The following ABHD16A variants were observed in gnomAD, a reference collection of about 807,000 sequenced individuals.
ABHD16A encodes phosphatidylserine lipase ABHD16A.
In ABHD16A, 47 loss-of-function variants were observed where a neutral mutation model predicts 89.8. The ratio of observed to expected loss-of-function variants is 0.52; its 90% CI spans 0.41 to 0.67. The LOEUF is 0.67. ABHD16A is among the 30% of genes least tolerant of loss of function. ABHD16A has a pLI of 0.00. For synonymous variants in ABHD16A, 251 were observed against 280.4 expected (o/e 0.90, Z 1.05); for missense variants, 580 against 734.6 (o/e 0.79, Z 2.43).
chr6:31,689,628 T>C lies in ABHD16A; in HGVS notation c.1034A>G (p.Gln345Arg). 1 of 1,611,680 alleles carries C rather than the reference T, an allele frequency of 6.2e-7. No individual in the cohort carries two copies. Among genetic ancestry groups the C allele is most frequent in the Non-Finnish European group, 8.5e-7 (1 of 1,179,364 alleles). ...GGCGTAGATGATGATGTCCTGGGGCTGGAAGCCTAGGCGGTGGATGGCAAA... is the reference window on the plus strand; with the variant it reads ...GGCGTAGATGATGATGTCCTGGGGCCGGAAGCCTAGGCGGTGGATGGCAAA... ...VQFAIHRLGF[Q>R]PQDIIIYAWS... Residue 345 changes from glutamine to arginine, a missense_variant, in exon 12 of 20, where the codon CAG becomes CGG. Around this residue, in one of 2 missense-constraint regions of ABHD16A, gnomAD observed 415 missense variants for 568.8 expected, o/e 0.73. Coordinates refer to ENST00000395952, the MANE Select transcript of ABHD16A (RefSeq NM_021160.3).
Position 31,690,379 on chromosome 6 carries a change from A to C in ABHD16A, c.907+160T>G. ...GGGACACAGGCCAGGGGAGGGATGT[A>C]AGGTTATCAAAGCAAATGGCGAGTG... On this transcript the variant is annotated intron_variant, in intron 10 of 19. Transcript: ENST00000395952. This position sits in a 1 kb window ranked among gnomAD's most constrained non-coding sequence, Gnocchi z 4.1. The C allele has an allele frequency of 1.3e-6, 1 of 797,580 alleles. No individual in the cohort carries two copies. Among genetic ancestry groups the C allele is most frequent in the East Asian group, 2.6e-5 (1 of 38,836 alleles). The allele number at this position is 797,580 out of a possible 1,614,324, so 49.4% of individuals were successfully genotyped here.
intron 1 of ABHD16A, chr6:31,702,556 A>G: frequency 2.2e-6 from 3 of 1,385,900 alleles, no homozygotes; most frequent in Admixed American, 3.4e-5. Context: ...TTTGTAGGAG[A>G]CAGTAACACA....
Position 31,688,167 on chromosome 6 carries a change from GGTTTC to G in ABHD16A, c.1308-69_1308-65del. 6.2e-7 allele frequency: 1 copy of G among 1,605,738 alleles called. No individual in the cohort carries two copies. Among genetic ancestry groups the G allele is most frequent in the Non-Finnish European group, 8.5e-7 (1 of 1,173,774 alleles). On this transcript the variant is annotated intron_variant, in intron 15 of 19. Transcript: ENST00000395952. This position sits in a 1 kb window ranked among gnomAD's most constrained non-coding sequence, Gnocchi z 4.9. ...TTAGGAGGAAGGGTCTAGATACCCA[GGTTTC>G]TGGTGGGCAGAGGTAGAAGGGACAA...
Position 31,689,136 on chromosome 6 carries a change from G to A in ABHD16A, c.1082-17C>T, listed in dbSNP as rs542752606. 6.8e-6 allele frequency: 11 copies of A among 1,608,036 alleles called. No homozygotes were observed. In the African/African-American group the frequency reaches 1.1e-4, roughly 16 times the overall value. On this transcript the variant is annotated splice_polypyrimidine_tract_variant and intron_variant, in intron 12 of 19. Transcript: ENST00000395952. ...CCCACGTGGCTGGTACCAGGGCAGG[G>A]AAGAAGAGTAAGAACTGAGAAAGGC...
At chr6:31,689,804 AG>A in intron 11 of ABHD16A, 100 bp from the exon 12 acceptor site, 1 of 1,493,842 alleles carries the variant, frequency 6.7e-7, no homozygotes, top group Non-Finnish European at 9.0e-7. Context: ...TATGACAGGC[AG>A]AGAAGGTGTA....
intron 4 of ABHD16A, among the ~76,000 whole-genome samples, chr6:31,700,124 T>C (rs569759939): frequency 6.6e-6 from 1 of 151,286 alleles, no homozygotes; most frequent in Non-Finnish European, 1.5e-5. Flanking sequence ...GGCTATTGCA[T>C]GGAACTTTTT....
intron 12 of ABHD16A, 23 bp from the exon 13 acceptor site, chr6:31,689,142 G>T (rs751486344): frequency 1.2e-6 from 2 of 1,603,782 alleles, no homozygotes; most frequent in Non-Finnish European, 1.7e-6. Flanking sequence ...CAGGGAAGAA[G>T]AGTAAGAACT....
rs1401740644 is a variant in ABHD16A at position 31,690,512 on chromosome 6, G to A, written c.907+27C>T. 6.2e-7 allele frequency: 1 copy of A among 1,611,502 alleles called. No individual in the cohort carries two copies. Among genetic ancestry groups the A allele is most frequent in the Non-Finnish European group, 8.5e-7 (1 of 1,178,586 alleles). On this transcript the variant is annotated intron_variant, in intron 10 of 19. Coordinates refer to ENST00000395952, the MANE Select transcript of ABHD16A (RefSeq NM_021160.3). The surrounding 1 kb of genome is among the most constrained non-coding windows in gnomAD (Gnocchi z 4.1). ...GGGACATTCCCTTTCAAAGGGCGGA[G>A]ATAAGGAGGCTGAGTCACCGTCCTA...
chr6:31,699,201 T>C (rs1192478142), intron 4 of ABHD16A, among the ~76,000 whole-genome samples: 1 of 151,724 alleles, frequency 6.6e-6, no homozygotes, highest in Non-Finnish European at 1.5e-5. Flanking sequence ...GGTCAGGAGA[T>C]TGAGACCATC....
intron 5 of ABHD16A, among the ~76,000 whole-genome samples, chr6:31,694,300 TC>T (rs1804179392): frequency 6.6e-6 from 1 of 151,292 alleles, no homozygotes; most frequent in Non-Finnish European, 1.5e-5. Flanking sequence ...GAAGCGATCC[TC>T]CTGCCTTGGC....
chr6:31,688,512 C>A lies in ABHD16A; in HGVS notation c.1251-207G>T, dbSNP rs2151222221. 1.3e-6 allele frequency: 1 copy of A among 792,140 alleles called. No individual in the cohort carries two copies. The highest frequency in any genetic ancestry group is 1.8e-5 in the South Asian group (1 of 56,578). The allele number at this position is 792,140 out of a possible 1,614,324, so 49.1% of individuals were successfully genotyped here. On this transcript the variant is annotated intron_variant, in intron 14 of 19. Transcript: ENST00000395952. This position sits in a 1 kb window ranked among gnomAD's most constrained non-coding sequence, Gnocchi z 4.9. Reference sequence around the variant, plus strand: ...CTGGGAGACCCCTGCCGTGCCAGGCCTTAACCCTTTGGTTGCCAGATCCTG... The same window carrying A: ...CTGGGAGACCCCTGCCGTGCCAGGCATTAACCCTTTGGTTGCCAGATCCTG...
At chr6:31,702,847 C>G (rs1315564806) in intron 1 of ABHD16A, 4 of 1,378,108 alleles carry the variant, frequency 2.9e-6, no homozygotes, top group African/African-American at 1.5e-5. Flanking sequence ...GGGTCTCTTC[C>G]CGGGACTCAA....
chr6:31,693,151 T>G lies in ABHD16A; in HGVS notation c.504-2A>C, dbSNP rs748410251. 6.2e-7 allele frequency: 1 copy of G among 1,611,896 alleles called. No homozygotes were observed. Among genetic ancestry groups the G allele is most frequent in the African/African-American group, 1.3e-5 (1 of 74,848 alleles). On this transcript the variant is annotated splice_acceptor_variant, in intron 6 of 19. Coordinates refer to ENST00000395952, the MANE Select transcript of ABHD16A (RefSeq NM_021160.3). LOFTEE classifies it high-confidence loss of function. This position sits in a 1 kb window ranked among gnomAD's most constrained non-coding sequence, Gnocchi z 5.0. ...GAAGGGCCCCCTCGAGACTCCTTCC[T>G]GAGGAAGGGAAAGATGCAGGGAAGG...
intron 7 of ABHD16A, 178 bp downstream of exon 7, chr6:31,692,849 C>T: frequency 2.5e-6 from 2 of 796,458 alleles, no homozygotes; most frequent in Non-Finnish European, 2.0e-6. Context: ...CCTCTCTGAG[C>T]CTCTTTTCTT....
In ABHD16A at chr6:31,701,304, G is replaced by C; in HGVS notation, c.226C>G (p.Pro76Ala). The change falls in exon 3 of 20, where the codon CCC (proline) becomes GCC (alanine). Residue 76 changes from proline to alanine, a missense_variant. By Grantham distance (27) the Pro-to-Ala change is conservative. Around this residue, in one of 2 missense-constraint regions of ABHD16A, gnomAD observed 165 missense variants for 165.8 expected, o/e 1.00. Transcript: ENST00000395952. ...CTGTACAAGTAGAAGAAGGCGAAGG[G>C]AGAGGAGTAATAAGAGATGGACCAG... is the stretch of plus-strand genomic sequence containing the variant. ...VFWSISYYSS[P>A]FAFFYLYRKG... The C allele has an allele frequency of 6.2e-7, 1 of 1,613,672 alleles. No homozygotes were observed. Among genetic ancestry groups the C allele is most frequent in the Non-Finnish European group, 8.5e-7 (1 of 1,179,866 alleles).
chr6:31,696,973 T>A lies in ABHD16A; in HGVS notation c.404A>T (p.His135Leu). 1 of 1,613,058 alleles carries A rather than the reference T, an allele frequency of 6.2e-7. No homozygotes were observed. The highest frequency in any genetic ancestry group is 8.5e-7 in the Non-Finnish European group (1 of 1,180,008). Reference protein sequence around the residue: ...RQFITILEATHRNQSSENKRQ... With the variant: ...RQFITILEATLRNQSSENKRQ... ...CTTGTTTTCTGAAGACTGGTTCCGA[T>A]GTGTTGCTTCCAAGATGGTGATGAA... Residue 135 changes from histidine (H) to leucine (L), a missense_variant, in exon 5 of 20, where the codon CAT (histidine) becomes CTT (leucine). By Grantham distance (99) the His-to-Leu change is moderately conservative (BLOSUM62 -3). Coordinates refer to ENST00000395952, the MANE Select transcript of ABHD16A (RefSeq NM_021160.3).
At position 31,690,610 on chromosome 6, in the gene ABHD16A, G is replaced by A; in HGVS notation, c.844-8C>T. The A allele has an allele frequency of 1.2e-6, 2 of 1,612,922 alleles. No individual in the cohort carries two copies. Among genetic ancestry groups the A allele is most frequent in the Non-Finnish European group, 1.7e-6 (2 of 1,179,964 alleles). The stretch of plus-strand genomic sequence containing the variant: ...CCCCTCACAGCAGATCACCTAGGAA[G>A]GAGGCAGGAAGGAAGGGCTGGGGGG... On this transcript the variant is annotated splice_region_variant and splice_polypyrimidine_tract_variant and intron_variant, in intron 9 of 19. Transcript: ENST00000395952. The surrounding 1 kb of genome is among the most constrained non-coding windows in gnomAD (Gnocchi z 4.1).
rs1186027057 is a variant in ABHD16A, at chr6:31,693,274, G to A, written c.503+85C>T. 1.3e-6 allele frequency: 2 copies of A among 1,590,714 alleles called. No homozygotes were observed. Among genetic ancestry groups the A allele is most frequent in the Admixed American group, 3.4e-5 (2 of 58,906 alleles). ...TTGGAAGGCAGGCACTGTGACCTGAGAGGGCATGGAGGTGGGAGGGCAGAG... is the reference window on the plus strand; with the variant it reads ...TTGGAAGGCAGGCACTGTGACCTGAAAGGGCATGGAGGTGGGAGGGCAGAG... On this transcript the variant is annotated intron_variant, in intron 6 of 19. Coordinates refer to ENST00000395952, the MANE Select transcript of ABHD16A (RefSeq NM_021160.3). The surrounding 1 kb of genome is among the most constrained non-coding windows in gnomAD (Gnocchi z 5.0).
Position 31,691,595 on chromosome 6 carries a change from G to C in ABHD16A, c.827C>G (p.Pro276Arg), listed in dbSNP as rs767171990. ...MFVDRRGTAEPQGQKLVICCE... is the reference protein window; with the variant it reads ...MFVDRRGTAERQGQKLVICCE... The stretch of plus-strand genomic sequence containing the variant: ...CCCTCTTACCAGCTTCTGTCCCTGG[G>C]GCTCAGCTGTCCCCCGCCGGTCCAC... The change falls in exon 9 of 20, where the codon CCC (proline) becomes CGC (arginine). Residue 276 changes from proline (P) to arginine (R), a missense_variant. Physicochemically the swap from Pro to Arg is moderately radical, Grantham distance 103. Coordinates refer to ENST00000395952, the MANE Select transcript of ABHD16A (RefSeq NM_021160.3). The C allele has an allele frequency of 2.5e-6, 4 of 1,612,916 alleles. No individual in the cohort carries two copies. The highest frequency in any genetic ancestry group is 3.4e-6 in the Non-Finnish European group (4 of 1,179,998).
Sources: gnomAD v4.1 joint callset for allele counts (sites outside exome capture counted in the v4.1 genomes callset) on GRCh38, gnomAD v4.1.1 for gene constraint, gnomAD v4.1.1 regional missense constraint, Gnocchi (gnomAD v3.1) non-coding constraint, MANE v1.5 for transcripts, NCBI Gene and HGNC (gene_info 2026-07-23, HGNC 2026-07-21) for gene names.